Variants in ZNF385D observed in about 807,000 individuals in gnomAD.
ZNF385D encodes the protein zinc finger protein 659.
ZNF385D carries 15 observed loss-of-function variants against 35.8 expected under a neutral mutation model. The ratio of observed to expected loss-of-function variants is 0.42; its 90% CI spans 0.28 to 0.64. ZNF385D has a LOEUF of 0.64. Among genes scored for constraint, ZNF385D ranks in the 30% least tolerant of loss-of-function variants. The pLI is 0.23. For synonymous variants in ZNF385D, 212 were observed against 186.8 expected (o/e 1.13, Z -1.10); for missense variants, 474 against 494.6 (o/e 0.96, Z 0.39).
At chr3:21,580,537 A>G (rs2063624696) in intron 2 of ZNF385D, among the ~76,000 whole-genome samples, 1 of 152,106 alleles carries the variant, frequency 6.6e-6, no homozygotes, top group Non-Finnish European at 1.5e-5. Context: ...CCTAAGCTGT[A>G]CATTTTTTTC....
At chr3:21,525,571 C>T (rs1708172453) in intron 3 of ZNF385D, among the ~76,000 whole-genome samples, 1 of 151,032 alleles carries the variant, frequency 6.6e-6, no homozygotes, top group Non-Finnish European at 1.5e-5. Context: ...GTAATCCCAG[C>T]TACTCAGGAG....
Position 21,474,020 on chromosome 3 carries a change from A to G in ZNF385D, c.440-36817T>C, listed in dbSNP as rs534158797. 7.9e-5 allele frequency among the ~76,000 whole-genome samples: 12 copies of G among 152,172 alleles called. No individual in the cohort carries two copies. In the South Asian group the frequency reaches 1.5e-3, roughly 18 times the overall value. ...GATATGTGTATATATGTGTGTGTGT[A>G]TATATATGTATCTTATATATTATAA... On this transcript the variant is annotated intron_variant, in intron 4 of 7. Coordinates refer to ENST00000281523, the MANE Select transcript of ZNF385D (RefSeq NM_024697.3).
At chr3:22,139,621 G>C (rs1348874819) in intron 3 of ZNF385D, among the ~76,000 whole-genome samples, 4 of 151,868 alleles carry the variant, frequency 2.6e-5, no homozygotes, top group Admixed American at 6.6e-5. Flanking sequence ...GTTGTGGGGT[G>C]GGGGGAGGAG....
At chr3:22,324,389 T>G (rs1694580463) in intron 2 of ZNF385D, among the ~76,000 whole-genome samples, 1 of 152,260 alleles carries the variant, frequency 6.6e-6, no homozygotes, top group East Asian at 1.9e-4. Context: ...AGGGGTCCAT[T>G]TGTCAAATAA....
chr3:21,715,393 C>A (rs2068276410), intron 1 of ZNF385D, among the ~76,000 whole-genome samples: 1 of 152,076 alleles, frequency 6.6e-6, no homozygotes. Flanking sequence ...ATAATGACCT[C>A]CAGTTCCATC....
At chr3:22,354,761 A>G (rs988647030) in intron 2 of ZNF385D, among the ~76,000 whole-genome samples, 4 of 152,124 alleles carry the variant, frequency 2.6e-5, no homozygotes, top group Admixed American at 2.0e-4. Flanking sequence ...ACTCCTTACC[A>G]GAAACAATCA....
chr3:21,510,841 A>G lies in ZNF385D; in HGVS notation c.439+20T>C. ...CAACGACGACGACGAGGACAACAAC[A>G]ACAAAGATCATTGCTTAACCTGTTT... On this transcript the variant is annotated intron_variant, in intron 4 of 7. Coordinates refer to ENST00000281523, the MANE Select transcript of ZNF385D (RefSeq NM_024697.3). 1 of 1,613,344 alleles carries G rather than the reference A, an allele frequency of 6.2e-7. No homozygotes were observed. Among genetic ancestry groups the G allele is most frequent in the Non-Finnish European group, 8.5e-7 (1 of 1,179,306 alleles).
chr3:21,750,939 C>T lies in ZNF385D; in HGVS notation c.-23G>A. 1 of 1,614,142 alleles carries T rather than the reference C, an allele frequency of 6.2e-7. No homozygotes were observed. Among genetic ancestry groups the T allele is most frequent in the African/African-American group, 1.3e-5 (1 of 75,068 alleles). ...CATTAATCAGACAGCTGGAATCCCA[C>T]CGCGGTGTCTTCAGCATCAGCTCTC... On this transcript the variant is annotated 5_prime_UTR_variant, in exon 1 of 8. In the 5' UTR this introduces an upstream ATG that the reference lacks. Transcript: ENST00000281523.
Position 22,183,904 on chromosome 3 carries a change from G to A in ZNF385D, c.107-14869C>T, listed in dbSNP as rs139633467. 8.0e-3 allele frequency among the ~76,000 whole-genome samples: 1,214 copies of A among 151,178 alleles called. 15 individuals are homozygous for A. Among genetic ancestry groups the A allele is most frequent in the African/African-American group, 0.028 (1,154 of 41,180 alleles). ...TTTTTATATTTTACTTTTATGCTGT[G>A]AAAGAACTGTTAATTAAAAAAAGGA... On this transcript the variant is annotated intron_variant, in intron 2 of 5. Coordinates refer to the ZNF385D transcript ENST00000494108.
intron 2 of ZNF385D, among the ~76,000 whole-genome samples, chr3:21,588,885 T>C (rs2063890230): frequency 6.6e-6 from 1 of 152,158 alleles, no homozygotes; most frequent in Non-Finnish European, 1.5e-5. Context: ...TACAAGCAGA[T>C]CCATTTTCAA....
chr3:21,424,021 G>T lies in ZNF385D; in HGVS notation c.896C>A (p.Pro299His), dbSNP rs368851214. 15 of 1,603,052 alleles carry T rather than the reference G, an allele frequency of 9.4e-6. No individual in the cohort carries two copies. The highest frequency in any genetic ancestry group is 2.3e-5 in the East Asian group (1 of 43,526). The change falls in exon 7 of 8, where the codon CCC becomes CAC. Residue 299 changes from proline to histidine, a missense_variant. By Grantham distance (77) the Pro-to-His change is moderately conservative (BLOSUM62 -2). Coordinates refer to ENST00000281523, the MANE Select transcript of ZNF385D (RefSeq NM_024697.3). ...GTAAGGACTGTATTTAGGTTTCGGGGGCTTCCCAGCAGCTCTGTCTTTGTG... is the reference window on the plus strand; with the variant it reads ...GTAAGGACTGTATTTAGGTTTCGGGTGCTTCCCAGCAGCTCTGTCTTTGTG... ...RRHKDRAAGK[P>H]PKPKYSPYNK...
intron 2 of ZNF385D, among the ~76,000 whole-genome samples, chr3:22,257,515 C>T (rs180902634): frequency 1.3e-5 from 2 of 151,890 alleles, no homozygotes; most frequent in African/African-American, 2.4e-5. Context: ...ATTATACTCT[C>T]ATAATAAATA....
intron 3 of ZNF385D, among the ~76,000 whole-genome samples, chr3:21,950,013 A>G (rs1190401384): frequency 1.3e-5 from 2 of 152,208 alleles, no homozygotes; most frequent in Non-Finnish European, 2.9e-5. Context: ...GCCACAATAA[A>G]CATATGTGTG....
chr3:21,729,164 C>T (rs2068889540), intron 1 of ZNF385D, among the ~76,000 whole-genome samples: 1 of 152,162 alleles, frequency 6.6e-6, no homozygotes, highest in African/African-American at 2.4e-5. Flanking sequence ...AAGAGGTCTT[C>T]TACCATTCTG....
At chr3:22,182,024 T>C (rs1018672066) in intron 2 of ZNF385D, among the ~76,000 whole-genome samples, 1 of 152,116 alleles carries the variant, frequency 6.6e-6, no homozygotes, top group African/African-American at 2.4e-5. Flanking sequence ...CCTTCCCCAG[T>C]TGAACGATAG....
intron 3 of ZNF385D, among the ~76,000 whole-genome samples, chr3:22,047,187 C>T (rs1699054731): frequency 6.6e-6 from 1 of 152,080 alleles, no homozygotes; most frequent in Non-Finnish European, 1.5e-5. Context: ...TGTAGAATGG[C>T]TAAATCAAGC....
intron 1 of ZNF385D, among the ~76,000 whole-genome samples, chr3:21,728,376 T>C (rs2068855363): frequency 6.6e-6 from 1 of 151,958 alleles, no homozygotes; most frequent in South Asian, 2.1e-4. Flanking sequence ...AGACTCAGGT[T>C]ATGGAAAAAC....
chr3:21,887,798 T>C (rs553420655), intron 3 of ZNF385D, among the ~76,000 whole-genome samples: 1 of 152,248 alleles, frequency 6.6e-6, no homozygotes, highest in East Asian at 1.9e-4. Flanking sequence ...GATACCATCT[T>C]TTCCTATATC....
chr3:21,930,336 A>C (rs999748975), intron 3 of ZNF385D, among the ~76,000 whole-genome samples: 1 of 152,062 alleles, frequency 6.6e-6, no homozygotes, highest in African/African-American at 2.4e-5. Flanking sequence ...AATCTAAAAA[A>C]CCTTTGGAAG....
Sources: allele counts gnomAD v4.1 joint callset (sites outside exome capture counted in the v4.1 genomes callset), GRCh38; gene constraint gnomAD v4.1.1; transcripts MANE v1.5; gene names NCBI Gene and HGNC (gene_info 2026-07-23, HGNC 2026-07-21).